The following DUS2 variants were observed in gnomAD, a reference collection of about 807,000 sequenced individuals.
DUS2 encodes the protein tRNA-dihydrouridine(20) synthase [NAD(P)+]-like.
DUS2 carries 52 observed loss-of-function variants against 71.3 expected under a neutral mutation model. The observed-to-expected ratio is 0.73, with a 90% CI of 0.58 to 0.92. The LOEUF is 0.92. Ranked by LOEUF, DUS2 falls within the 40% of genes least tolerant of loss-of-function variation. DUS2 has a pLI of 0.00. For synonymous variants in DUS2, 204 were observed against 227.8 expected, an observed-to-expected ratio of 0.90 and a Z score of 0.94; for missense variants, 558 against 622.6, an observed-to-expected ratio of 0.90 and a Z score of 1.10.
chr16:68,040,763 A>T (rs2033614316), intron 3 of DUS2, among the ~76,000 whole-genome samples: 1 of 148,924 alleles, frequency 6.7e-6, no homozygotes, highest in African/African-American at 2.5e-5. Context: ...CCCCTGGTGG[A>T]TCCATGGTTG....
chr16:68,076,801 G>A, intron 15 of DUS2, 82 bp downstream of exon 15: 2 of 1,297,784 alleles, frequency 1.5e-6, no homozygotes, highest in Non-Finnish European at 2.2e-6. Context: ...TTGCCAGGCT[G>A]GAGCCTGGCC....
chr16:68,069,875 C>T (rs555951327), intron 10 of DUS2, among the ~76,000 whole-genome samples: 1 of 152,154 alleles, frequency 6.6e-6, no homozygotes, highest in African/African-American at 2.4e-5. Flanking sequence ...ACCATGCCCC[C>T]CTGCAGCCAG....
chr16:68,029,076 A>G (rs2033400102), intron 2 of DUS2, among the ~76,000 whole-genome samples: 1 of 151,970 alleles, frequency 6.6e-6, no homozygotes, highest in African/African-American at 2.4e-5. Context: ...GTGGTGGAAC[A>G]TGCCTGTAGT....
intron 3 of DUS2, among the ~76,000 whole-genome samples, chr16:68,040,829 G>A (rs538636204): frequency 5.3e-5 from 8 of 152,060 alleles, no homozygotes; most frequent in African/African-American, 1.2e-4. Context: ...TGGGGGTGGC[G>A]GGGGGGAGTT....
chr16:68,029,673 C>T (rs1391558644), intron 2 of DUS2, among the ~76,000 whole-genome samples: 4 of 152,076 alleles, frequency 2.6e-5, no homozygotes, highest in Non-Finnish European at 5.9e-5. Flanking sequence ...TCTTGAACTA[C>T]TGAGCTCAGG....
In DUS2 at chr16:68,036,163, A is replaced by AT. The variant is rs891165125; in HGVS notation, c.-18-1829dup. ...AGGCATGCATCAGCACAGCTGGCTA[A>AT]TTTTTTTTTTTTTTCGAGACAGAGT... On this transcript the variant is annotated intron_variant, in intron 2 of 16. Transcript: ENST00000565263. 5.6e-3 allele frequency among the ~76,000 whole-genome samples: 735 copies of AT among 131,876 alleles called. 9 individuals carry two copies. The highest frequency in any genetic ancestry group is 0.017 in the African/African-American group (608 of 35,568). 86.5% of individuals were successfully genotyped at this position (131,876 alleles called of 152,430 possible).
intron 2 of DUS2, among the ~76,000 whole-genome samples, chr16:68,031,605 T>A (rs2033440090): frequency 6.6e-6 from 1 of 152,178 alleles, no homozygotes; most frequent in Admixed American, 6.6e-5. Flanking sequence ...CATTCTCAAA[T>A]AAACTCAACA....
intron 1 of DUS2, chr16:68,023,637 G>GTCGGC: frequency 5.4e-6 from 1 of 184,354 alleles, no homozygotes; most frequent in Non-Finnish European, 1.3e-5. Flanking sequence ...CGTGTTTATT[G>GTCGGC]AGAGTTTGAA....
At chr16:68,047,460 G>T (rs1052396452) in intron 3 of DUS2, among the ~76,000 whole-genome samples, 1 of 151,198 alleles carries the variant, frequency 6.6e-6, no homozygotes, top group Non-Finnish European at 1.5e-5. Flanking sequence ...CAAAGTTTTT[G>T]TTGTTGTTGT....
intron 7 of DUS2, among the ~76,000 whole-genome samples, chr16:68,056,793 T>G (rs1242436120): frequency 1.5e-5 from 2 of 136,294 alleles, no homozygotes; most frequent in Non-Finnish European, 3.3e-5. Flanking sequence ...TATAGATTCA[T>G]ACATAGATTA....
chr16:68,053,622 T>C lies in DUS2; in HGVS notation c.231T>C (p.Cys77=). The change falls in exon 5 of 17, where the codon TGT becomes TGC. Residue 77 remains cysteine (C), a synonymous_variant. Coordinates refer to ENST00000565263, the MANE Select transcript of DUS2 (RefSeq NM_017803.5). Reference sequence around the variant, plus strand: ...ATGATCGAGTTGTCTTCCGCACCTGTGAAAGAGAGCAGAACAGGGTGGTCT... The same window carrying C: ...ATGATCGAGTTGTCTTCCGCACCTGCGAAAGAGAGCAGAACAGGGTGGTCT... ...APDDRVVFRT[C]EREQNRVVFQ... 3 of 1,614,192 alleles carry C rather than the reference T, an allele frequency of 1.9e-6. No homozygotes were observed. The highest frequency in any genetic ancestry group is 2.5e-6 in the Non-Finnish European group (3 of 1,180,032).
intron 8 of DUS2, among the ~76,000 whole-genome samples, chr16:68,064,344 AC>A (rs1287801675): frequency 6.6e-6 from 1 of 152,072 alleles, no homozygotes; most frequent in Admixed American, 6.6e-5. Flanking sequence ...CCTCAGTGTG[AC>A]CCTTGCAAGT....
chr16:68,070,787 A>AT (rs1327880610), intron 11 of DUS2, among the ~76,000 whole-genome samples, 153 bp from the exon 12 acceptor site: 1 of 152,222 alleles, frequency 6.6e-6, no homozygotes, highest in East Asian at 1.9e-4. Context: ...TGGGATATGG[A>AT]TTCTAATATC....
intron 2 of DUS2, among the ~76,000 whole-genome samples, chr16:68,031,373 C>T: frequency 6.6e-6 from 1 of 151,642 alleles, no homozygotes; most frequent in East Asian, 2.0e-4. Context: ...CCATGTTGGC[C>T]AGGATGGTCT....
intron 2 of DUS2, among the ~76,000 whole-genome samples, chr16:68,031,253 C>T (rs187834112): frequency 3.9e-5 from 6 of 152,284 alleles, no homozygotes; most frequent in Non-Finnish European, 8.8e-5. Context: ...CAACCTCTGC[C>T]TCCCGGGTTC....
intron 3 of DUS2, among the ~76,000 whole-genome samples, chr16:68,043,840 T>A (rs2033665199): frequency 3.3e-5 from 5 of 152,126 alleles, no homozygotes; most frequent in Admixed American, 3.3e-4. Flanking sequence ...AATTTAGGTA[T>A]TTTTGGTAGA....
intron 10 of DUS2, among the ~76,000 whole-genome samples, 167 bp downstream of exon 10, chr16:68,066,803 C>T (rs1293841061): frequency 2.6e-5 from 4 of 152,164 alleles, no homozygotes; most frequent in East Asian, 3.9e-4. Flanking sequence ...CAGGCAGACC[C>T]TGAATGGGCT....
chr16:68,051,183 G>A (rs1598307947), intron 4 of DUS2, among the ~76,000 whole-genome samples: 2 of 152,286 alleles, frequency 1.3e-5, no homozygotes, highest in East Asian at 3.9e-4. Context: ...ACCTATTGTG[G>A]AGCTTCTTTA....
intron 2 of DUS2, among the ~76,000 whole-genome samples, chr16:68,030,676 T>A (rs1446681524): frequency 6.6e-6 from 1 of 152,168 alleles, no homozygotes; most frequent in East Asian, 1.9e-4. Flanking sequence ...GGCTTGCATG[T>A]TTTGCATATG....
Sources: allele counts gnomAD v4.1 joint callset (sites outside exome capture counted in the v4.1 genomes callset), GRCh38; gene constraint gnomAD v4.1.1; transcripts MANE v1.5; gene names NCBI Gene and HGNC (gene_info 2026-07-23, HGNC 2026-07-21).